Variants in CCDC141 observed in about 807,000 individuals in gnomAD.
CCDC141 encodes coiled-coil domain containing 141, also known as coiled-coil domain-containing protein 141.
CCDC141 carries 168 observed loss-of-function variants against 181.0 expected under a neutral mutation model. The observed-to-expected ratio is 0.93, with a 90% confidence interval of 0.82 to 1.05. The LOEUF is 1.05. Among genes scored for constraint, CCDC141 ranks in the 50% least tolerant of loss-of-function variants. The pLI is 0.00. For synonymous variants in CCDC141, 666 were observed against 642.3 expected (o/e 1.04, Z -0.56); for missense variants, 1,902 against 1,788.5 (o/e 1.06, Z -1.14).
chr2:178,913,380 G>A (rs1688303303), intron 7 of CCDC141, among the ~76,000 whole-genome samples: 1 of 151,980 alleles, frequency 6.6e-6, no homozygotes, highest in African/African-American at 2.4e-5. Flanking sequence ...CTTCTGCATA[G>A]TATTTTTTTA....
intron 2 of CCDC141, among the ~76,000 whole-genome samples, chr2:178,997,901 C>A (rs79681854): frequency 0.052 from 7,952 of 152,228 alleles, 278 homozygotes; most frequent in South Asian, 0.084. Context: ...CCCGTCCCCC[C>A]TCAAGTGGTC....
intron 16 of CCDC141, among the ~76,000 whole-genome samples, chr2:178,866,810 C>A (rs1685874700): frequency 6.6e-6 from 1 of 152,146 alleles, no homozygotes; most frequent in African/African-American, 2.4e-5. Context: ...ACTGCAACCT[C>A]CGCCTCCTGG....
intron 5 of CCDC141, among the ~76,000 whole-genome samples, chr2:178,951,389 G>A (rs1482569289): frequency 1.3e-5 from 2 of 152,156 alleles, no homozygotes; most frequent in African/African-American, 4.8e-5. Context: ...AGGTCAGGCA[G>A]CTTAATGGAT....
chr2:178,919,859 C>T (rs59849060), intron 6 of CCDC141, among the ~76,000 whole-genome samples: 10,432 of 152,128 alleles, frequency 0.069, 1,174 homozygotes, highest in African/African-American at 0.23. Flanking sequence ...TGTTATTGTT[C>T]GGTATTTTCT....
the CCDC141 span, among the ~76,000 whole-genome samples, chr2:178,816,944 G>A: frequency 2.0e-5 from 3 of 152,220 alleles, no homozygotes; most frequent in South Asian, 6.2e-4. Context: ...CTGCACCTAA[G>A]AGAAATAAGG....
At chr2:178,987,549 A>T (rs1691814481) in intron 2 of CCDC141, among the ~76,000 whole-genome samples, 1 of 151,860 alleles carries the variant, frequency 6.6e-6, no homozygotes, top group Non-Finnish European at 1.5e-5. Context: ...ACATGGGAGA[A>T]AATTTTCGCA....
At position 178,866,356 on chromosome 2, in the gene CCDC141, A is replaced by G. The variant is rs553972552; in HGVS notation, c.2575-440T>C. Among the ~76,000 whole-genome samples the G allele has an allele frequency of 2.0e-5, 3 of 152,334 alleles. No homozygotes were observed. In the East Asian group the frequency reaches 5.8e-4, roughly 29 times the overall value. On this transcript the variant is annotated intron_variant, in intron 16 of 23. Transcript: ENST00000443758. Reference sequence around the variant, plus strand: ...GGCCAAGGCCAGAAGAGGATTGGAGAACAATTTACATTATTTGCACAAAGT... The same window carrying G: ...GGCCAAGGCCAGAAGAGGATTGGAGGACAATTTACATTATTTGCACAAAGT...
chr2:178,905,558 CG>C, intron 7 of CCDC141, 57 bp from the exon 8 acceptor site: 1 of 1,438,418 alleles, frequency 7.0e-7, no homozygotes. Context: ...TCTACATCAA[CG>C]TGTACACAAA....
chr2:178,958,226 A>C (rs1575267005), intron 5 of CCDC141, among the ~76,000 whole-genome samples: 1 of 152,168 alleles, frequency 6.6e-6, no homozygotes, highest in African/African-American at 2.4e-5. Flanking sequence ...GTCATTATAC[A>C]TTTGTTCAAA....
chr2:178,825,559 C>T (rs1684110568), downstream of CCDC141: 1 of 152,016 alleles, frequency 6.6e-6, no homozygotes, highest in Admixed American at 6.6e-5. Flanking sequence ...CAAGTATTCC[C>T]TCATTCTGTT....
At chr2:178,889,998 A>C (rs778884817) in intron 8 of CCDC141, among the ~76,000 whole-genome samples, 11 of 152,180 alleles carry the variant, frequency 7.2e-5, no homozygotes, top group Non-Finnish European at 1.2e-4. Flanking sequence ...TTAGACTTTG[A>C]AATATTATAT....
chr2:178,889,101 A>C (rs942093052), intron 8 of CCDC141, among the ~76,000 whole-genome samples: 3 of 152,186 alleles, frequency 2.0e-5, no homozygotes, highest in African/African-American at 7.2e-5. Context: ...TAAAATATTT[A>C]CATAACACTA....
intron 6 of CCDC141, among the ~76,000 whole-genome samples, chr2:178,923,145 C>T (rs1470150619): frequency 3.4e-5 from 5 of 148,668 alleles, no homozygotes; most frequent in Non-Finnish European, 7.4e-5. Context: ...CGCTCTGTCG[C>T]CCAGGCTGGA....
intron 2 of CCDC141, among the ~76,000 whole-genome samples, chr2:178,987,826 C>G (rs1691828745): frequency 6.7e-6 from 1 of 149,994 alleles, no homozygotes; most frequent in South Asian, 2.2e-4. Context: ...ACAACAGGTG[C>G]TGGAGAGGAT....
At position 178,888,556 on chromosome 2, in the gene CCDC141, T is replaced by C. The variant is rs1019813934; in HGVS notation, c.1378A>G (p.Thr460Ala). Residue 460 changes from threonine (T) to alanine (A), a missense_variant, in exon 9 of 24, where the codon ACA (threonine) becomes GCA (alanine). Thr to Ala is a moderately conservative substitution (Grantham distance 58). Coordinates refer to ENST00000443758, the MANE Select transcript of CCDC141 (RefSeq NM_173648.4). ...KEYALKKQQLTASVEGYLRKV... is the reference protein window; with the variant it reads ...KEYALKKQQLAASVEGYLRKV... ...CGTAGGTAACCCTCCACTGAGGCTG[T>C]TAGTTGTTGTTTCTTAAGAGCATAT... 6 of 1,550,284 alleles carry C rather than the reference T, an allele frequency of 3.9e-6. No individual in the cohort carries two copies. The African/African-American group carries it at 8.2e-5, about 21-fold the overall frequency.
intron 22 of CCDC141, among the ~76,000 whole-genome samples, chr2:178,843,913 C>T (rs966491471): frequency 2.6e-5 from 4 of 152,184 alleles, no homozygotes; most frequent in East Asian, 1.9e-4. Context: ...CATAACATGA[C>T]GTTAATAACA....
intron 2 of CCDC141, among the ~76,000 whole-genome samples, chr2:178,987,009 A>C (rs1454875455): frequency 6.6e-6 from 1 of 152,058 alleles, no homozygotes; most frequent in Non-Finnish European, 1.5e-5. Flanking sequence ...CGCATCGCCA[A>C]GTCAATCCAA....
chr2:178,984,591 C>T (rs1167695056), intron 2 of CCDC141, among the ~76,000 whole-genome samples: 2 of 149,724 alleles, frequency 1.3e-5, no homozygotes, highest in African/African-American at 4.9e-5. Flanking sequence ...CAGAGACACA[C>T]ATAGGCTCAA....
the CCDC141 span, chr2:178,817,438 C>T: frequency 2.8e-5 from 13 of 464,906 alleles, no homozygotes; most frequent in East Asian, 8.3e-4. Flanking sequence ...AAGACTCATG[C>T]TCTTTTTCTG....
Sources: allele counts gnomAD v4.1 joint callset (sites outside exome capture counted in the v4.1 genomes callset), GRCh38; gene constraint gnomAD v4.1.1; transcripts MANE v1.5; gene names NCBI Gene and HGNC (gene_info 2026-07-23, HGNC 2026-07-21).